The following HDAC4 variants were observed in gnomAD, a reference collection of about 807,000 sequenced individuals.
HDAC4 encodes histone deacetylase 4.
HDAC4 carries 16 observed loss-of-function variants against 135.1 expected under a neutral mutation model. The ratio of observed to expected loss-of-function variants is 0.12; its 90% CI spans 0.08 to 0.18. The LOEUF (loss-of-function observed/expected upper bound fraction) is 0.18. HDAC4 is among the 10% of genes least tolerant of loss of function. The probability of loss-of-function intolerance (pLI) is 1.00; values close to 1 mark genes in which losing one functional copy is unlikely to be tolerated. For missense variants in HDAC4, 1,143 were observed against 1,511.8 expected (o/e 0.76, Z 4.05); for synonymous variants, 685 against 653.4 (o/e 1.05, Z -0.74).
chr2:239,192,430 C>T (rs757938800), intron 3 of HDAC4, among the ~76,000 whole-genome samples: 4 of 152,166 alleles, frequency 2.6e-5, no homozygotes, highest in Non-Finnish European at 5.9e-5. Context: ...GAAACATCAG[C>T]GTTCACCTAC....
intron 20 of HDAC4, among the ~76,000 whole-genome samples, chr2:239,083,593 A>G (rs1369431236): frequency 6.6e-6 from 1 of 152,254 alleles, no homozygotes; most frequent in African/African-American, 2.4e-5. Flanking sequence ...AATAAGATGA[A>G]TATCTTGAAT....
intron 2 of HDAC4, among the ~76,000 whole-genome samples, chr2:239,243,702 G>C (rs2048320037): frequency 6.6e-6 from 1 of 152,196 alleles, no homozygotes; most frequent in Non-Finnish European, 1.5e-5. Context: ...TTTTAGAACA[G>C]CTGTGAGTTT....
At chr2:239,263,263 G>C (rs980015332) in intron 2 of HDAC4, among the ~76,000 whole-genome samples, 2 of 145,622 alleles carry the variant, frequency 1.4e-5, no homozygotes, top group Non-Finnish European at 3.0e-5. Context: ...CCGCCCTGAG[G>C]ACCCCCGCCC....
In HDAC4 at chr2:239,400,853, G is replaced by C. The variant is rs1438058014; in HGVS notation, c.-220+125C>G. 1 of 136,086 alleles carries C rather than the reference G, an allele frequency of 7.3e-6. No individual in the cohort carries two copies. The allele number at this position is 136,086 out of a possible 1,614,324, so 8.4% of individuals were successfully genotyped here. A position where few individuals can be genotyped will look rare whatever the true frequency, so the allele number is the denominator to read the frequency against. ...GGGGCCCAGGCTGGGAGGCTGTTCG[G>C]GCGGCGGCGGCGGCGGCGCGGGCGG... On this transcript the variant is annotated intron_variant, in intron 1 of 26. Coordinates refer to ENST00000543185, the MANE Select transcript of HDAC4 (RefSeq NM_001378414.1). This position sits in a 1 kb window ranked among gnomAD's most constrained non-coding sequence, Gnocchi z 4.7.
chr2:239,248,756 A>T (rs111792101), intron 2 of HDAC4, among the ~76,000 whole-genome samples: 14 of 152,276 alleles, frequency 9.2e-5, no homozygotes, highest in African/African-American at 3.4e-4. Flanking sequence ...AGCCAGGGAG[A>T]TGATAAAGAC....
intron 1 of HDAC4, among the ~76,000 whole-genome samples, chr2:239,364,103 C>A (rs149957702): frequency 6.6e-6 from 1 of 152,158 alleles, no homozygotes; most frequent in East Asian, 1.9e-4. Context: ...CACTCACACA[C>A]GAGGTTACAA....
At chr2:239,348,344 C>T (rs552837740) in intron 2 of HDAC4, among the ~76,000 whole-genome samples, 1 of 152,280 alleles carries the variant, frequency 6.6e-6, no homozygotes, top group African/African-American at 2.4e-5. Context: ...CTTTTCTGGG[C>T]AAGACTTTCT....
intron 1 of HDAC4, among the ~76,000 whole-genome samples, chr2:239,392,441 A>G (rs1313793933): frequency 2.6e-5 from 4 of 152,188 alleles, no homozygotes; most frequent in Non-Finnish European, 4.4e-5. Flanking sequence ...TGTAAATTTT[A>G]TAGTAGAGGG....
intron 3 of HDAC4, among the ~76,000 whole-genome samples, chr2:239,218,443 C>T (rs1481334785): frequency 1.3e-5 from 2 of 150,842 alleles, no homozygotes. Context: ...GGATCCCTTC[C>T]TTACATCTTA....
At chr2:239,119,826 C>T (rs568368865) in intron 12 of HDAC4, among the ~76,000 whole-genome samples, 43 of 152,278 alleles carry the variant, frequency 2.8e-4, no homozygotes, top group East Asian at 9.7e-4. Flanking sequence ...AATGAGTCAG[C>T]GCGAGGGCAG....
chr2:239,078,133 C>T (rs532463406), intron 22 of HDAC4, among the ~76,000 whole-genome samples: 77 of 152,312 alleles, frequency 5.1e-4, no homozygotes, highest in Non-Finnish European at 1.0e-3. Context: ...TCATCGTCAT[C>T]GTCATCTCCC....
At chr2:239,131,611 G>A (rs2040591774) in intron 11 of HDAC4, among the ~76,000 whole-genome samples, 1 of 152,162 alleles carries the variant, frequency 6.6e-6, no homozygotes, top group African/African-American at 2.4e-5. Flanking sequence ...CTGCGGTCTG[G>A]TCCAGCATTG....
intron 4 of HDAC4, among the ~76,000 whole-genome samples, chr2:239,183,295 A>G (rs991954639): frequency 7.9e-5 from 12 of 152,286 alleles, no homozygotes; most frequent in African/African-American, 2.9e-4. Context: ...TGGTAACCCA[A>G]AAAGATTTTC....
At chr2:239,163,748 C>G (rs1037869977) in intron 6 of HDAC4, 55 bp downstream of exon 6, 3 of 1,587,392 alleles carry the variant, frequency 1.9e-6, no homozygotes, top group Non-Finnish European at 1.7e-6. Context: ...GGCGATCAGA[C>G]AGTCCTCTGG....
At position 239,051,913 on chromosome 2, in the gene HDAC4, CAAGT is replaced by C. The variant is rs566640470; in HGVS notation, c.*1180_*1183del. On this transcript the variant is annotated 3_prime_UTR_variant, in exon 27 of 27. Transcript: ENST00000543185. Reference sequence around the variant, plus strand: ...TATTTTATCAAGATTTCATAAGAATCAAGTAAGTTTCTTAGCTTGGAATACATTG... The same window carrying C: ...TATTTTATCAAGATTTCATAAGAATCAAGTTTCTTAGCTTGGAATACATTG... The C allele has an allele frequency of 9.3e-5, 14 of 151,278 alleles. 1 individual carries two copies. The South Asian group carries it at 1.7e-3, about 18-fold the overall frequency. The allele number at this position is 151,278 out of a possible 1,614,324, so 9.4% of individuals were successfully genotyped here.
intron 2 of HDAC4, among the ~76,000 whole-genome samples, chr2:239,343,633 C>G (rs932734178): frequency 2.0e-5 from 3 of 152,248 alleles, no homozygotes; most frequent in African/African-American, 7.2e-5. Flanking sequence ...CCATGCCCAG[C>G]CCATCCCTCT....
At chr2:239,270,246 A>G (rs1164879221) in intron 2 of HDAC4, among the ~76,000 whole-genome samples, 1 of 152,188 alleles carries the variant, frequency 6.6e-6, no homozygotes, top group East Asian at 1.9e-4. Flanking sequence ...TGTAAAAATG[A>G]ATGGATGACG....
intron 3 of HDAC4, among the ~76,000 whole-genome samples, chr2:239,236,180 C>T (rs1046509856): frequency 1.3e-5 from 2 of 152,190 alleles, no homozygotes; most frequent in African/African-American, 4.8e-5. Flanking sequence ...CCAACAAAAG[C>T]TGGTGGCAAT....
At chr2:239,381,457 T>G (rs1428885764) in intron 1 of HDAC4, among the ~76,000 whole-genome samples, 1 of 152,182 alleles carries the variant, frequency 6.6e-6, no homozygotes, top group Non-Finnish European at 1.5e-5. Flanking sequence ...AGGAGAAAGG[T>G]ACATTTTATT....
Sources: gnomAD v4.1 joint callset for allele counts (sites outside exome capture counted in the v4.1 genomes callset) on GRCh38, gnomAD v4.1.1 for gene constraint, Gnocchi (gnomAD v3.1) non-coding constraint, MANE v1.5 for transcripts, NCBI Gene and HGNC (gene_info 2026-07-23, HGNC 2026-07-21) for gene names.